Variants in CNTNAP1 observed in about 807,000 individuals in gnomAD.
CNTNAP1 encodes the protein contactin associated protein 1, also known as contactin-associated protein 1.
In CNTNAP1, 80 loss-of-function variants were observed where a neutral mutation model predicts 161.5. The observed-to-expected ratio is 0.50, with a 90% CI of 0.41 to 0.60. CNTNAP1 has a LOEUF of 0.60. CNTNAP1 is among the 20% of genes least tolerant of loss of function. CNTNAP1 has a pLI of 0.00. For synonymous variants in CNTNAP1, 695 were observed against 733.1 expected (o/e 0.95, Z 0.84); for missense variants, 1,464 against 1,854.8 (o/e 0.79, Z 3.87).
chr17:42,690,230 G>A, intron 12 of CNTNAP1, 23 bp downstream of exon 12: 1 of 1,613,278 alleles, frequency 6.2e-7, no homozygotes, highest in East Asian at 2.2e-5. Context: ...GTTGGGTGGT[G>A]AGGGGGTGAG....
chr17:42,692,506 G>C lies in CNTNAP1; in HGVS notation c.2538G>C (p.Arg846=). 6.2e-7 allele frequency: 1 copy of C among 1,613,938 alleles called. No individual in the cohort carries two copies. The highest frequency in any genetic ancestry group is 1.3e-5 in the African/African-American group (1 of 75,044). The change falls in exon 17 of 24, where the codon CGG becomes CGC. Residue 846 remains arginine, a synonymous_variant. Coordinates refer to ENST00000264638, the MANE Select transcript of CNTNAP1 (RefSeq NM_003632.3). ...CTGCATCACACTGTCCAGCATCCCG[G>C]GATGTGGTCTTCGCCTTTGATGTGG... The part of the protein sequence containing the change: ...PYVRVELNTS[R]DVVFAFDVGN...
intron 8 of CNTNAP1, 61 bp downstream of exon 8, chr17:42,688,042 T>C (rs1351574313): frequency 1.9e-6 from 3 of 1,573,346 alleles, no homozygotes; most frequent in African/African-American, 1.4e-5. Flanking sequence ...CCCAGGAAAG[T>C]TGTAGGCCTG....
chr17:42,689,851 C>T (rs565210772), intron 11 of CNTNAP1: 1 of 577,908 alleles, frequency 1.7e-6, no homozygotes, highest in African/African-American at 1.9e-5. Context: ...AGCGATTCTC[C>T]TGCCTCAGCC....
intron 17 of CNTNAP1, 109 bp downstream of exon 17, chr17:42,692,829 C>A: frequency 2.1e-6 from 2 of 943,288 alleles, no homozygotes; most frequent in Non-Finnish European, 3.1e-6. Flanking sequence ...GTCCCCTCTG[C>A]TTCAGAGCAA....
At chr17:42,692,435 G>A (rs2053099517) in intron 16 of CNTNAP1, 64 bp from the exon 17 acceptor site, 1 of 1,359,702 alleles carries the variant, frequency 7.4e-7, no homozygotes, top group Admixed American at 1.9e-5. Flanking sequence ...TATTGGGCAA[G>A]GATCTATGAA....
At position 42,695,870 on chromosome 17, in the gene CNTNAP1, T is replaced by C; in HGVS notation, c.3342T>C (p.Asp1114=). The stretch of plus-strand genomic sequence containing the variant: ...ACTACATGGCTGTGCTCATCAAGGA[T>C]GATGGTAAGCTCTCCCGGGCTCTCT... ...VRDYMAVLIK[D]DGTLQLRYQL... The change falls in exon 19 of 24, where the codon GAT becomes GAC. Residue 1114 remains aspartate (D), a synonymous_variant. Transcript: ENST00000264638. 1.2e-6 allele frequency: 2 copies of C among 1,610,728 alleles called. No individual in the cohort carries two copies. Among genetic ancestry groups the C allele is most frequent in the Non-Finnish European group, 1.7e-6 (2 of 1,177,274 alleles).
intron 23 of CNTNAP1, 21 bp downstream of exon 23, chr17:42,697,971 A>G: frequency 6.2e-7 from 1 of 1,614,036 alleles, no homozygotes; most frequent in Non-Finnish European, 8.5e-7. Flanking sequence ...CTGATCACTA[A>G]GCTGACCTCC....
intron 3 of CNTNAP1, among the ~76,000 whole-genome samples, chr17:42,684,785 G>A (rs887645402): frequency 1.3e-5 from 2 of 152,138 alleles, no homozygotes; most frequent in African/African-American, 4.8e-5. Flanking sequence ...AATCAGCCGG[G>A]CGTAGTGGCG....
At chr17:42,686,167 C>T (rs1567970286) in intron 6 of CNTNAP1, 26 bp downstream of exon 6, 25 of 1,611,468 alleles carry the variant, frequency 1.6e-5, no homozygotes, top group Middle Eastern at 1.7e-4. Context: ...GGTGCTATTT[C>T]GTGGTAGGGT....
At chr17:42,695,957 C>A in intron 19 of CNTNAP1, 68 bp from the exon 20 acceptor site, 1 of 1,601,210 alleles carries the variant, frequency 6.2e-7, no homozygotes, top group Non-Finnish European at 8.5e-7. Context: ...AATACAAGGA[C>A]CCACGTGCTG....
rs763547533 is a variant in CNTNAP1 at position 42,697,287 on chromosome 17, C to T, written c.3488C>T (p.Pro1163Leu). The T allele has an allele frequency of 2.5e-6, 4 of 1,613,738 alleles. No homozygotes were observed. Among genetic ancestry groups the T allele is most frequent in the African/African-American group, 2.7e-5 (2 of 74,882 alleles). The change falls in exon 21 of 24, where the codon CCA becomes CTA. Residue 1163 changes from proline to leucine, a missense_variant. Pro to Leu is a moderately conservative substitution (Grantham distance 98). Coordinates refer to ENST00000264638, the MANE Select transcript of CNTNAP1 (RefSeq NM_003632.3). ...TCCCCACCTCAGGTGGACTACTTCC[C>T]ACTGACAGAGCAGAAGTTCTCGCTG... Reference protein sequence around the residue: ...RNLFIQVDYFPLTEQKFSLLV... With the variant: ...RNLFIQVDYFLLTEQKFSLLV...
Position 42,685,500 on chromosome 17 carries a change from C to A in CNTNAP1, c.715+80C>A. On this transcript the variant is annotated intron_variant, in intron 5 of 23. Coordinates refer to ENST00000264638, the MANE Select transcript of CNTNAP1 (RefSeq NM_003632.3). The surrounding 1 kb of genome is among the most constrained non-coding windows in gnomAD (Gnocchi z 5.0). ...CCCTCCTCGTGGCACCTCCTCCGCG[C>A]ATCCGCGCTCAGCCTGGTCTTCCAC... 1.5e-6 allele frequency: 2 copies of A among 1,335,830 alleles called. No homozygotes were observed. Among genetic ancestry groups the A allele is most frequent in the Non-Finnish European group, 2.1e-6 (2 of 972,836 alleles). 82.7% of individuals were successfully genotyped at this position (1,335,830 alleles called of 1,614,324 possible).
rs753039084 is a variant in CNTNAP1, at chr17:42,689,545, T to C, written c.1653T>C (p.His551=). The change falls in exon 11 of 24, where the codon CAT becomes CAC. Residue 551 remains histidine, a synonymous_variant. Transcript: ENST00000264638. ...GGTGCAGCCCTAACATGTGTGAGCA[T>C]GATGGACGCTGCTACCAGTCTTGGG... is the stretch of plus-strand genomic sequence containing the variant. ...TDRCSPNMCE[H]DGRCYQSWDD... 30 of 1,613,586 alleles carry C rather than the reference T, an allele frequency of 1.9e-5. No homozygotes were observed. The East Asian group carries it at 5.6e-4, about 30-fold the overall frequency.
chr17:42,696,790 G>C (rs2053157953), intron 20 of CNTNAP1, among the ~76,000 whole-genome samples: 1 of 152,104 alleles, frequency 6.6e-6, no homozygotes, highest in African/African-American at 2.4e-5. Flanking sequence ...CTAGGCGACA[G>C]AGTGAGACTC....
At position 42,695,839 on chromosome 17, in the gene CNTNAP1, TTCG is replaced by T; in HGVS notation, c.3313_3315del (p.Arg1105del). ...GTCCTGCTCTACGTCAGTTCCTTTG[TTCG>T]TGACTACATGGCTGTGCTCATCAAG... On this transcript the variant is annotated inframe_deletion, in exon 19 of 24. Transcript: ENST00000264638. 6.2e-7 allele frequency: 1 copy of T among 1,614,162 alleles called. No homozygotes were observed. Among genetic ancestry groups the T allele is most frequent in the Non-Finnish European group, 8.5e-7 (1 of 1,180,004 alleles).
Position 42,682,839 on chromosome 17 carries a change from C to T in CNTNAP1, c.10C>T (p.Leu4Phe), listed in dbSNP as rs911583692. The T allele has an allele frequency of 3.8e-6, 6 of 1,584,602 alleles. No individual in the cohort carries two copies. The highest frequency in any genetic ancestry group is 3.4e-6 in the Non-Finnish European group (4 of 1,166,814). Reference sequence around the variant, plus strand: ...GGACCGTCAGCCCTGCATGATGCATCTCCGGCTCTTCTGCATCCTGCTCGC... The same window carrying T: ...GGACCGTCAGCCCTGCATGATGCATTTCCGGCTCTTCTGCATCCTGCTCGC... The part of the protein sequence containing the change: MMH[L>F]RLFCILLAAV... Residue 4 changes from leucine to phenylalanine, a missense_variant, in exon 1 of 24, where the codon CTC becomes TTC. Physicochemically the swap from Leu to Phe is conservative, Grantham distance 22. This residue lies in a region of CNTNAP1 where 77 missense variants were observed against 73.6 expected (regional missense o/e 1.05). Coordinates refer to ENST00000264638, the MANE Select transcript of CNTNAP1 (RefSeq NM_003632.3).
At chr17:42,698,020 CCT>C (rs2053173394) in intron 23 of CNTNAP1, 70 bp downstream of exon 23, 1 of 1,559,862 alleles carries the variant, frequency 6.4e-7, no homozygotes, top group Non-Finnish European at 8.8e-7. Flanking sequence ...TTTCCCTGCC[CCT>C]GATCCCCAAG....
At chr17:42,692,040 C>G in intron 16 of CNTNAP1, 49 bp downstream of exon 16, 8 of 1,584,152 alleles carry the variant, frequency 5.1e-6, no homozygotes, top group East Asian at 2.2e-5. Context: ...AAAGTGCTGT[C>G]TGGGGAGACA....
intron 9 of CNTNAP1, 129 bp from the exon 10 acceptor site, chr17:42,688,747 G>T: frequency 6.7e-7 from 1 of 1,501,366 alleles, no homozygotes; most frequent in Non-Finnish European, 9.2e-7. Context: ...GGAGTGGAAG[G>T]TCATTGCCAT....
Sources: allele counts gnomAD v4.1 joint callset (sites outside exome capture counted in the v4.1 genomes callset), GRCh38; gene constraint gnomAD v4.1.1; regional missense constraint gnomAD v4.1.1; non-coding constraint Gnocchi (gnomAD v3.1); transcripts MANE v1.5; gene names NCBI Gene and HGNC (gene_info 2026-07-23, HGNC 2026-07-21).